Variants in FMN1 observed in about 807,000 individuals in gnomAD.
The protein encoded by FMN1 is formin 1, also known as formin-1.
In FMN1, 110 loss-of-function variants were observed where a neutral mutation model predicts 132.4. That is an observed-to-expected ratio of 0.83 (90% confidence interval 0.71 to 0.97). The LOEUF (loss-of-function observed/expected upper bound fraction) is 0.97. Ranked by LOEUF, FMN1 falls within the 50% of genes least tolerant of loss-of-function variation. The probability of loss-of-function intolerance (pLI) is 0.00; values close to 1 mark genes in which losing one functional copy is unlikely to be tolerated. For missense variants in FMN1, 1,792 were observed against 1,705.3 expected (o/e 1.05, Z -0.90); for synonymous variants, 722 against 651.7 (o/e 1.11, Z -1.64).
intron 7 of FMN1, among the ~76,000 whole-genome samples, chr15:33,001,973 T>C (rs2034145455): frequency 6.6e-6 from 1 of 152,128 alleles, no homozygotes; most frequent in South Asian, 2.1e-4. Context: ...TTTTAGGTGA[T>C]AGGGCTTGCA....
chr15:32,785,190 G>GTATA (rs1595904133), intron 19 of FMN1, among the ~76,000 whole-genome samples: 3 of 25,222 alleles, frequency 1.2e-4, no homozygotes, highest in African/African-American at 3.8e-4. Context: ...GTGTGTGTGT[G>GTATA]TGTGTGTGTG....
chr15:33,163,351 AT>A (rs1964970707), intron 3 of FMN1, among the ~76,000 whole-genome samples: 1 of 151,180 alleles, frequency 6.6e-6, no homozygotes, highest in Non-Finnish European at 1.5e-5. Context: ...CTGGAGCGCA[AT>A]GGCACAATCT....
At chr15:33,052,309 G>T (rs535634475) in intron 6 of FMN1, among the ~76,000 whole-genome samples, 1 of 152,042 alleles carries the variant, frequency 6.6e-6, no homozygotes, top group African/African-American at 2.4e-5. Flanking sequence ...CACTAAAAAT[G>T]GTTACTAGGA....
intron 5 of FMN1, among the ~76,000 whole-genome samples, chr15:33,077,626 T>C (rs1338204217): frequency 3.3e-5 from 5 of 151,830 alleles, no homozygotes; most frequent in South Asian, 4.2e-4. Flanking sequence ...TTGGTTTTTT[T>C]CTCCTTGCAA....
chr15:33,039,492 GT>G (rs1327281813), intron 6 of FMN1, among the ~76,000 whole-genome samples: 10 of 152,292 alleles, frequency 6.6e-5, no homozygotes, highest in African/African-American at 2.4e-4. Flanking sequence ...TAGACAGCTG[GT>G]TTTATGAAAC....
intron 9 of FMN1, among the ~76,000 whole-genome samples, chr15:32,933,309 C>T (rs1471520217): frequency 1.3e-5 from 2 of 152,244 alleles, no homozygotes; most frequent in East Asian, 3.9e-4. Context: ...GCTATTATTT[C>T]TAGTTTCATG....
intron 9 of FMN1, among the ~76,000 whole-genome samples, chr15:32,934,624 G>A (rs1358383272): frequency 4.1e-5 from 6 of 146,882 alleles, no homozygotes; most frequent in Non-Finnish European, 9.0e-5. Context: ...TTTGGGTGGG[G>A]AGGACTGAGT....
intron 16 of FMN1, among the ~76,000 whole-genome samples, chr15:32,863,627 A>G (rs1488449089): frequency 6.6e-6 from 1 of 152,188 alleles, no homozygotes; most frequent in Non-Finnish European, 1.5e-5. Context: ...TATGGCACGC[A>G]GTAATTATTG....
intron 3 of FMN1, among the ~76,000 whole-genome samples, chr15:33,157,716 G>A (rs1348257599): frequency 1.3e-5 from 2 of 152,118 alleles, no homozygotes; most frequent in Non-Finnish European, 2.9e-5. Flanking sequence ...CGGAGGCCAG[G>A]CGCAGCAGCT....
At chr15:32,939,329 C>T (rs975946689) in intron 9 of FMN1, among the ~76,000 whole-genome samples, 2 of 151,658 alleles carry the variant, frequency 1.3e-5, no homozygotes, top group African/African-American at 2.4e-5. Context: ...TACCCATTAC[C>T]GAAGAATTTA....
At chr15:32,908,938 T>A (rs913058450) in intron 11 of FMN1, among the ~76,000 whole-genome samples, 2 of 152,222 alleles carry the variant, frequency 1.3e-5, no homozygotes, top group Non-Finnish European at 2.9e-5. Flanking sequence ...GGGAATATTG[T>A]TCTTAGAATT....
intron 15 of FMN1, among the ~76,000 whole-genome samples, chr15:32,895,782 T>C (rs150536366): frequency 0.026 from 3,965 of 152,322 alleles, 62 homozygotes; most frequent in Middle Eastern, 0.048. Context: ...GTCTATTATG[T>C]TGTAAACATT....
At chr15:32,835,369 T>C (rs2058598927) in intron 17 of FMN1, among the ~76,000 whole-genome samples, 1 of 152,228 alleles carries the variant, frequency 6.6e-6, no homozygotes, top group African/African-American at 2.4e-5. Flanking sequence ...TGAAATATCT[T>C]TTTCTTCCTG....
At chr15:33,038,127 C>A (rs1049116631) in intron 6 of FMN1, among the ~76,000 whole-genome samples, 5 of 152,206 alleles carry the variant, frequency 3.3e-5, no homozygotes, top group Admixed American at 2.6e-4. Flanking sequence ...ACTGGGGAGG[C>A]TGAGGCAGGA....
At chr15:33,120,242 G>A (rs1447523167) in intron 4 of FMN1, among the ~76,000 whole-genome samples, 1 of 152,088 alleles carries the variant, frequency 6.6e-6, no homozygotes, top group Non-Finnish European at 1.5e-5. Flanking sequence ...TTAAACATAA[G>A]GCAATTACAA....
chr15:32,774,879 T>C (rs1352409720), intron 20 of FMN1, among the ~76,000 whole-genome samples: 1 of 152,206 alleles, frequency 6.6e-6, no homozygotes, highest in African/African-American at 2.4e-5. Flanking sequence ...TGCTCTTCAT[T>C]CTCCGAGCTT....
chr15:32,953,547 A>G (rs1029493679), intron 9 of FMN1, among the ~76,000 whole-genome samples: 3 of 152,220 alleles, frequency 2.0e-5, no homozygotes, highest in African/African-American at 7.2e-5. Context: ...GGTCTAAATG[A>G]AATGAAGCTC....
intron 6 of FMN1, chr15:33,064,581 A>C (rs17235533): frequency 0.26 from 41,354 of 159,306 alleles, 6,699 homozygotes; most frequent in Admixed American, 0.34. Flanking sequence ...ACAAACAACA[A>C]ATCAGATTAC....
chr15:33,150,783 T>C, intron 4 of FMN1: 1 of 985,962 alleles, frequency 1.0e-6, no homozygotes, highest in African/African-American at 1.7e-5. Flanking sequence ...AATACCTAGA[T>C]GTTATTTCCA....
Sources: allele counts gnomAD v4.1 joint callset (sites outside exome capture counted in the v4.1 genomes callset), GRCh38; gene constraint gnomAD v4.1.1; transcripts MANE v1.5; gene names NCBI Gene and HGNC (gene_info 2026-07-23, HGNC 2026-07-21).